Variants in DPYD observed in about 807,000 individuals in gnomAD.
DPYD encodes the protein dihydropyrimidine dehydrogenase.
Under a neutral mutation model 116.2 loss-of-function variants are expected in DPYD, and 109 were observed. The ratio of observed to expected loss-of-function variants is 0.94; its 90% CI spans 0.80 to 1.10. The LOEUF (loss-of-function observed/expected upper bound fraction) is 1.10, where lower values mean the gene tolerates loss of function less well. Among genes scored for constraint, DPYD ranks in the 50% least tolerant of loss-of-function variants. The probability of loss-of-function intolerance (pLI) is 0.00; values close to 1 mark genes in which losing one functional copy is unlikely to be tolerated. For synonymous variants in DPYD, 440 were observed against 432.0 expected (o/e 1.02, Z -0.23); for missense variants, 1,302 against 1,254.5 (o/e 1.04, Z -0.57).
At chr1:97,172,108 T>G (rs1363160577) in intron 20 of DPYD, among the ~76,000 whole-genome samples, 3 of 152,186 alleles carry the variant, frequency 2.0e-5, no homozygotes, top group African/African-American at 4.8e-5. Context: ...AAGTGGGTTT[T>G]CCATCCCACA....
At chr1:97,594,913 C>CTTG in intron 9 of DPYD, 146 bp downstream of exon 9, 1 of 507,476 alleles carries the variant, frequency 2.0e-6, no homozygotes. Context: ...TATACCCGGC[C>CTTG]TTTTTTTTTT....
At chr1:97,084,785 T>C (rs935771300) in intron 21 of DPYD, among the ~76,000 whole-genome samples, 1 of 152,224 alleles carries the variant, frequency 6.6e-6, no homozygotes, top group Admixed American at 6.5e-5. Flanking sequence ...TTCTAATTCA[T>C]GTTATGGATA....
intron 1 of DPYD, among the ~76,000 whole-genome samples, chr1:97,888,641 T>G (rs1274356939): frequency 6.6e-6 from 1 of 151,510 alleles, no homozygotes; most frequent in Non-Finnish European, 1.5e-5. Context: ...AAAAAAATAA[T>G]TCATCATGTA....
chr1:97,813,829 A>G (rs1305987985), intron 3 of DPYD, among the ~76,000 whole-genome samples: 2 of 151,928 alleles, frequency 1.3e-5, no homozygotes, highest in African/African-American at 4.8e-5. Flanking sequence ...TTATTCCTGT[A>G]TTCCTTTAAT....
intron 2 of DPYD, among the ~76,000 whole-genome samples, chr1:97,830,050 T>C (rs1571430678): frequency 6.6e-6 from 1 of 152,136 alleles, no homozygotes; most frequent in Non-Finnish European, 1.5e-5. Flanking sequence ...TTTCCAGCTT[T>C]ATCCATGTCC....
At chr1:97,700,243 G>A in intron 5 of DPYD, 3 of 455,944 alleles carry the variant, frequency 6.6e-6, no homozygotes, top group South Asian at 3.1e-5. Context: ...GAAAAGAGAT[G>A]TTGGCAGTCT....
At chr1:97,635,667 T>TAG (rs1214466708) in intron 8 of DPYD, among the ~76,000 whole-genome samples, 1 of 152,182 alleles carries the variant, frequency 6.6e-6, no homozygotes, top group East Asian at 1.9e-4. Context: ...GTCTATATTG[T>TAG]ACATGTAGAG....
At chr1:97,251,132 C>T (rs115837301) in intron 18 of DPYD, among the ~76,000 whole-genome samples, 4,429 of 152,014 alleles carry the variant, frequency 0.029, 220 homozygotes, top group African/African-American at 0.1. Flanking sequence ...CACGGTGGCT[C>T]ATGTCTGTAA....
intron 18 of DPYD, among the ~76,000 whole-genome samples, chr1:97,291,708 G>A (rs978338976): frequency 6.6e-6 from 1 of 151,502 alleles, no homozygotes; most frequent in African/African-American, 2.4e-5. Context: ...GAGTGGGGAG[G>A]GATAGCATTA....
At chr1:97,416,798 A>G (rs1337204517) in intron 14 of DPYD, among the ~76,000 whole-genome samples, 1 of 152,218 alleles carries the variant, frequency 6.6e-6, no homozygotes, top group Non-Finnish European at 1.5e-5. Flanking sequence ...TCCTCCTGAG[A>G]TATCCTTAAC....
chr1:97,557,894 T>C (rs771893362), intron 11 of DPYD, among the ~76,000 whole-genome samples: 4 of 152,194 alleles, frequency 2.6e-5, no homozygotes, highest in South Asian at 2.1e-4. Flanking sequence ...AAAAGAACCC[T>C]TGAAGGTGGA....
At chr1:97,120,415 G>C (rs1429013781) in intron 20 of DPYD, among the ~76,000 whole-genome samples, 1 of 152,086 alleles carries the variant, frequency 6.6e-6, no homozygotes, top group Admixed American at 6.6e-5. Context: ...TGAAGACAAA[G>C]GGTGTCTGAA....
rs115106868 is a variant in DPYD, at chr1:97,375,267, G to A, written c.1975-1623C>T. ...CTAAGTACACCAGACCTTTCTTTAG[G>A]GCAACAGTTGTTTCTTCTTTCTCTT... is the stretch of plus-strand genomic sequence containing the variant. On this transcript the variant is annotated intron_variant, in intron 15 of 22. Transcript: ENST00000370192. 7.6e-3 allele frequency among the ~76,000 whole-genome samples: 1,157 copies of A among 151,952 alleles called. 17 individuals carry two copies. Among genetic ancestry groups the A allele is most frequent in the African/African-American group, 0.027 (1,105 of 41,432 alleles).
chr1:97,281,585 A>C (rs962049302), intron 18 of DPYD, among the ~76,000 whole-genome samples: 2 of 152,068 alleles, frequency 1.3e-5, no homozygotes, highest in African/African-American at 4.8e-5. Context: ...ATGAGGATAG[A>C]ATAAAAACAT....
chr1:97,640,863 A>G (rs1261311826), intron 8 of DPYD, among the ~76,000 whole-genome samples: 1 of 152,160 alleles, frequency 6.6e-6, no homozygotes, highest in Non-Finnish European at 1.5e-5. Flanking sequence ...GATAGAAGAA[A>G]AGCATGACTC....
At chr1:97,813,245 A>G (rs374191078) in intron 3 of DPYD, among the ~76,000 whole-genome samples, 70 of 152,284 alleles carry the variant, frequency 4.6e-4, no homozygotes, top group African/African-American at 1.6e-3. Context: ...AAAAGAAAAA[A>G]AATCTGATTC....
At chr1:97,324,020 A>C (rs757165582) in intron 16 of DPYD, among the ~76,000 whole-genome samples, 2 of 151,944 alleles carry the variant, frequency 1.3e-5, no homozygotes, top group Non-Finnish European at 2.9e-5. Flanking sequence ...AAAGTGGTTA[A>C]ATTGTATTTG....
At chr1:97,580,819 C>T (rs930971556) in intron 10 of DPYD, among the ~76,000 whole-genome samples, 1 of 152,128 alleles carries the variant, frequency 6.6e-6, no homozygotes, top group African/African-American at 2.4e-5. Flanking sequence ...TTGATTTAGC[C>T]AACAGGATTA....
intron 15 of DPYD, among the ~76,000 whole-genome samples, chr1:97,377,215 G>C (rs1671685088): frequency 6.6e-6 from 1 of 151,828 alleles, no homozygotes. Flanking sequence ...GAAATGAAAG[G>C]TGCCAAAAAA....
Sources: gnomAD v4.1 joint callset for allele counts (sites outside exome capture counted in the v4.1 genomes callset) on GRCh38, gnomAD v4.1.1 for gene constraint, MANE v1.5 for transcripts, NCBI Gene and HGNC (gene_info 2026-07-23, HGNC 2026-07-21) for gene names.